Variants in GCSAML observed in about 807,000 individuals in gnomAD.
The protein encoded by GCSAML is germinal center-associated signaling and motility-like protein.
Under a neutral mutation model 13.0 loss-of-function variants are expected in GCSAML, and 9 were observed. That is an observed-to-expected ratio of 0.69 (90% CI 0.42 to 1.21). The LOEUF (loss-of-function observed/expected upper bound fraction) is 1.21. Ranked by LOEUF, GCSAML falls within the 50% of genes most tolerant of loss-of-function variation. GCSAML has a pLI of 0.00. For synonymous variants in GCSAML, 37 were observed against 52.9 expected (o/e 0.70, Z 1.31); for missense variants, 143 against 153.4 (o/e 0.93, Z 0.36).
In GCSAML at chr1:247,549,219, A is replaced by G; in HGVS notation, c.28A>G (p.Ser10Gly). MGNYLLRKLSCLGENQKKPK... is the reference protein window; with the variant it reads MGNYLLRKLGCLGENQKKPK... ...GGGAAATTATCTCCTGCGAAAACTCAGGTGAGTCTTGACTCTTGGTGCCGC... is the reference window on the plus strand; with the variant it reads ...GGGAAATTATCTCCTGCGAAAACTCGGGTGAGTCTTGACTCTTGGTGCCGC... Residue 10 changes from serine (S) to glycine (G), a missense_variant and splice_region_variant, in exon 1 of 5, where the codon AGT becomes GGT. Transcript: ENST00000366488. 6.2e-7 allele frequency: 1 copy of G among 1,613,726 alleles called. No individual in the cohort carries two copies. Among genetic ancestry groups the G allele is most frequent in the Non-Finnish European group, 8.5e-7 (1 of 1,179,636 alleles).
chr1:247,565,107 C>G (rs573741981), intron 3 of GCSAML, among the ~76,000 whole-genome samples: 85 of 152,274 alleles, frequency 5.6e-4, no homozygotes, highest in African/African-American at 1.9e-3. Context: ...TGCCTGTAAT[C>G]CCAGCACTTT....
chr1:247,544,376 T>C (rs1667500764), upstream of GCSAML, among the ~76,000 whole-genome samples: 1 of 152,224 alleles, frequency 6.6e-6, no homozygotes, highest in African/African-American at 2.4e-5. Flanking sequence ...TTTCTGTTCA[T>C]ATAACAGCTT....
At chr1:247,514,580 T>C (rs1357158464) in intron 1 of GCSAML, among the ~76,000 whole-genome samples, 1 of 152,238 alleles carries the variant, frequency 6.6e-6, no homozygotes, top group African/African-American at 2.4e-5. Context: ...CAATGTTATC[T>C]TGTAGAATCT....
chr1:247,532,599 CAAACATTAA>C, intron 2 of GCSAML: 1 of 1,231,156 alleles, frequency 8.1e-7, no homozygotes, highest in Non-Finnish European at 1.1e-6. Context: ...CATCAGTTAG[CAAACATTAA>C]AAGTGTATTT....
intron 1 of GCSAML, among the ~76,000 whole-genome samples, chr1:247,520,615 T>C (rs936822989): frequency 1.3e-5 from 2 of 152,220 alleles, no homozygotes; most frequent in Non-Finnish European, 2.9e-5. Context: ...CCAGAAGTTA[T>C]ATAAAATAAA....
intron 2 of GCSAML, among the ~76,000 whole-genome samples, chr1:247,537,914 A>G (rs765486981): frequency 2.0e-5 from 3 of 152,158 alleles, no homozygotes; most frequent in African/African-American, 4.8e-5. Context: ...CATGATTTGC[A>G]AATATTTTCT....
chr1:247,571,980 T>A (rs1668633062), intron 4 of GCSAML, among the ~76,000 whole-genome samples: 1 of 152,242 alleles, frequency 6.6e-6, no homozygotes, highest in East Asian at 1.9e-4. Flanking sequence ...TCCTTTCTTC[T>A]GCCCGATCAA....
At chr1:247,556,193 A>C (rs1397984098) in intron 1 of GCSAML, among the ~76,000 whole-genome samples, 1 of 152,136 alleles carries the variant, frequency 6.6e-6, no homozygotes, top group Non-Finnish European at 1.5e-5. Context: ...CAAAAGTCAG[A>C]CTATGGGCAT....
chr1:247,529,532 T>G (rs1158107852), intron 2 of GCSAML: 1 of 152,162 alleles, frequency 6.6e-6, no homozygotes, highest in African/African-American at 2.4e-5. Context: ...ACCTGATACA[T>G]GAGTCCAGAA....
intron 1 of GCSAML, among the ~76,000 whole-genome samples, chr1:247,550,817 A>T (rs945851301): frequency 3.9e-5 from 6 of 152,128 alleles, no homozygotes; most frequent in Non-Finnish European, 8.8e-5. Flanking sequence ...AAGTTAAGCA[A>T]TATTTATGGA....
At chr1:247,546,667 G>C (rs1048912026), upstream of GCSAML, among the ~76,000 whole-genome samples, 9 of 151,898 alleles carry the variant, frequency 5.9e-5, no homozygotes, top group East Asian at 1.7e-3. Flanking sequence ...GGCTGAAAAT[G>C]GTCTTTAAAA....
chr1:247,538,499 A>G (rs1667299542), intron 2 of GCSAML, among the ~76,000 whole-genome samples: 1 of 152,202 alleles, frequency 6.6e-6, no homozygotes, highest in Admixed American at 6.5e-5. Flanking sequence ...TGAAACCATA[A>G]CCCACAATGT....
chr1:247,523,516 A>G (rs374583862), intron 1 of GCSAML, among the ~76,000 whole-genome samples: 18 of 152,358 alleles, frequency 1.2e-4, no homozygotes, highest in African/African-American at 4.3e-4. Flanking sequence ...CAAGTACTTA[A>G]TGACATGATC....
At position 247,509,212 on chromosome 1, in the gene GCSAML, G is replaced by C. The variant is rs1312746768; in HGVS notation, c.-263+1979G>C. 2.6e-5 allele frequency among the ~76,000 whole-genome samples: 4 copies of C among 152,078 alleles called. No individual in the cohort carries two copies. In the East Asian group the frequency reaches 7.7e-4, roughly 29 times the overall value. ...AGTGGTTTGTAGTTCTCCTTGAAGA[G>C]GTCCTTCACATCTCTTCTAAGTTGT... On this transcript the variant is annotated intron_variant, in intron 1 of 5. Coordinates refer to the GCSAML transcript ENST00000366489.
intron 3 of GCSAML, among the ~76,000 whole-genome samples, chr1:247,564,787 G>A (rs1481101157): frequency 2.6e-5 from 4 of 152,124 alleles, no homozygotes; most frequent in African/African-American, 7.2e-5. Flanking sequence ...TATTCAATCC[G>A]TGGTGCTGGG....
At chr1:247,529,211 C>T (rs1572307054) in intron 2 of GCSAML, 1 of 152,268 alleles carries the variant, frequency 6.6e-6, no homozygotes, top group African/African-American at 2.4e-5. Context: ...GTCTTCCATG[C>T]CCGAACCATT....
intron 2 of GCSAML, chr1:247,528,413 A>G (rs1326589669): frequency 1.3e-5 from 2 of 152,222 alleles, no homozygotes; most frequent in Non-Finnish European, 2.9e-5. Flanking sequence ...TCTTCACAAC[A>G]TGCATGAACC....
At chr1:247,561,107 T>C (rs891564958) in intron 2 of GCSAML, among the ~76,000 whole-genome samples, 8 of 152,010 alleles carry the variant, frequency 5.3e-5, no homozygotes, top group African/African-American at 1.9e-4. Flanking sequence ...GTGCACACCA[T>C]CATGCCTGGC....
chr1:247,573,362 G>T (rs983825524), intron 4 of GCSAML, among the ~76,000 whole-genome samples: 2 of 152,188 alleles, frequency 1.3e-5, no homozygotes, highest in African/African-American at 2.4e-5. Context: ...TGCAAAGACC[G>T]TGGGAAAAGT....
Sources: allele counts gnomAD v4.1 joint callset (sites outside exome capture counted in the v4.1 genomes callset), GRCh38; gene constraint gnomAD v4.1.1; transcripts MANE v1.5; gene names NCBI Gene and HGNC (gene_info 2026-07-23, HGNC 2026-07-21).